PCDH15: variants seen among roughly 807,000 people sequenced by gnomAD.
PCDH15 encodes protocadherin related 15, also known as protocadherin-15.
PCDH15 carries 129 observed loss-of-function variants against 178.5 expected under a neutral mutation model. That is an observed-to-expected ratio of 0.72 (90% CI 0.63 to 0.84). PCDH15 has a LOEUF of 0.84. Ranked by LOEUF, PCDH15 falls within the 40% of genes least tolerant of loss-of-function variation. The probability of loss-of-function intolerance (pLI) is 0.00; values close to 1 mark genes in which losing one functional copy is unlikely to be tolerated. For synonymous variants in PCDH15, 800 were observed against 732.0 expected (o/e 1.09, Z -1.50); for missense variants, 2,230 against 2,099.9 (o/e 1.06, Z -1.21).
At chr10:55,023,208 C>T (rs1053985951) in intron 2 of PCDH15, among the ~76,000 whole-genome samples, 1 of 152,142 alleles carries the variant, frequency 6.6e-6, no homozygotes, top group Non-Finnish European at 1.5e-5. Flanking sequence ...TCCCAAAGTG[C>T]TGGGATTACA....
intron 2 of PCDH15, among the ~76,000 whole-genome samples, chr10:55,465,705 C>T (rs1451950273): frequency 1.3e-5 from 2 of 151,968 alleles, no homozygotes; most frequent in Non-Finnish European, 2.9e-5. Flanking sequence ...AGTATTTGCC[C>T]GGAGCTACCA....
intron 3 of PCDH15, among the ~76,000 whole-genome samples, chr10:54,880,935 C>T (rs942582751): frequency 6.6e-6 from 1 of 151,538 alleles, no homozygotes; most frequent in Non-Finnish European, 1.5e-5. Context: ...ATACTTTAAG[C>T]GAGTTGTATC....
intron 2 of PCDH15, among the ~76,000 whole-genome samples, chr10:55,165,714 A>G (rs979327300): frequency 2.0e-5 from 3 of 152,028 alleles, no homozygotes; most frequent in African/African-American, 4.8e-5. Context: ...CAAGTATGAT[A>G]AGCAGTCATG....
chr10:54,461,212 G>T (rs11004318), intron 3 of PCDH15, among the ~76,000 whole-genome samples: 1 of 152,004 alleles, frequency 6.6e-6, no homozygotes, highest in Non-Finnish European at 1.5e-5. Context: ...ACATTTTCTA[G>T]CAATTATTCT....
chr10:54,747,225 A>T (rs1945588056), intron 1 of PCDH15, among the ~76,000 whole-genome samples: 1 of 152,196 alleles, frequency 6.6e-6, no homozygotes, highest in Non-Finnish European at 1.5e-5. Flanking sequence ...GAATGACGAG[A>T]TCCCTTTCAG....
chr10:54,988,780 G>A (rs980481489), intron 2 of PCDH15, among the ~76,000 whole-genome samples: 10 of 152,130 alleles, frequency 6.6e-5, no homozygotes, highest in Non-Finnish European at 1.3e-4. Context: ...CAATGTGATA[G>A]GACAGAAAAT....
intron 21 of PCDH15, among the ~76,000 whole-genome samples, chr10:53,972,290 A>G (rs1473642118): frequency 7.0e-6 from 1 of 143,528 alleles, no homozygotes; most frequent in African/African-American, 2.6e-5. Flanking sequence ...AATTAATTCA[A>G]GATGGATTAA....
intron 23 of PCDH15, among the ~76,000 whole-genome samples, chr10:53,955,758 A>G (rs2087550730): frequency 2.6e-5 from 4 of 152,228 alleles, no homozygotes; most frequent in Admixed American, 1.3e-4. Context: ...ACGAAAGACC[A>G]TCCTAATAAT....
intron 17 of PCDH15, among the ~76,000 whole-genome samples, chr10:54,068,090 A>G (rs1380257960): frequency 6.6e-6 from 1 of 152,100 alleles, no homozygotes; most frequent in Non-Finnish European, 1.5e-5. Context: ...AAAAAGACCA[A>G]ACCTCCCTCA....
At chr10:54,223,083 G>T (rs1341229371) in intron 9 of PCDH15, among the ~76,000 whole-genome samples, 2 of 152,016 alleles carry the variant, frequency 1.3e-5, no homozygotes, top group Admixed American at 6.6e-5. Flanking sequence ...AGGCTGAGGT[G>T]GGGGGATCAC....
chr10:54,925,556 T>C (rs747568301), intron 2 of PCDH15, among the ~76,000 whole-genome samples: 7 of 152,176 alleles, frequency 4.6e-5, no homozygotes, highest in African/African-American at 7.2e-5. Context: ...CTTAACCATA[T>C]TGATTCTTCT....
intron 2 of PCDH15, among the ~76,000 whole-genome samples, chr10:55,012,767 A>C (rs146645489): frequency 2.0e-5 from 3 of 152,032 alleles, no homozygotes; most frequent in Admixed American, 1.3e-4. Context: ...ACATTTTAAC[A>C]TATGTCAGGA....
chr10:54,664,565 C>T (rs2094541259), intron 1 of PCDH15, among the ~76,000 whole-genome samples: 1 of 151,990 alleles, frequency 6.6e-6, no homozygotes, highest in Non-Finnish European at 1.5e-5. Context: ...ATATCAGAAG[C>T]ACACTCTTTA....
chr10:54,086,505 T>C (rs2094519168), intron 16 of PCDH15, among the ~76,000 whole-genome samples: 1 of 152,132 alleles, frequency 6.6e-6, no homozygotes, highest in Non-Finnish European at 1.5e-5. Context: ...AGAGAAGTGG[T>C]AGTGCAAAGT....
chr10:54,428,622 G>A (rs1303932224), intron 3 of PCDH15, among the ~76,000 whole-genome samples: 4 of 152,020 alleles, frequency 2.6e-5, no homozygotes, highest in African/African-American at 4.8e-5. Flanking sequence ...CAGAGCCAAC[G>A]GGCATTGAGG....
chr10:54,482,690 A>C (rs1372539165), intron 3 of PCDH15, among the ~76,000 whole-genome samples: 1 of 151,846 alleles, frequency 6.6e-6, no homozygotes, highest in Non-Finnish European at 1.5e-5. Flanking sequence ...ACTTGTAAGG[A>C]GATTTAGATC....
chr10:55,069,108 A>C, intron 2 of PCDH15, among the ~76,000 whole-genome samples: 2 of 148,586 alleles, frequency 1.3e-5, no homozygotes, highest in Admixed American at 6.8e-5. Context: ...GGGTTGCCAT[A>C]TTGGCCAAGC....
At chr10:54,303,751 C>T (rs1353033727) in intron 8 of PCDH15, among the ~76,000 whole-genome samples, 1 of 152,100 alleles carries the variant, frequency 6.6e-6, no homozygotes, top group African/African-American at 2.4e-5. Flanking sequence ...CATACCAAAG[C>T]AACCAGACTG....
At chr10:53,847,493 G>T (rs758038198) in intron 28 of PCDH15, among the ~76,000 whole-genome samples, 1 of 151,950 alleles carries the variant, frequency 6.6e-6, no homozygotes, top group Non-Finnish European at 1.5e-5. Context: ...CCTAAGTAGT[G>T]CTCTAGATGC....
Sources: allele counts gnomAD v4.1 joint callset (sites outside exome capture counted in the v4.1 genomes callset), GRCh38; gene constraint gnomAD v4.1.1; transcripts MANE v1.5; gene names NCBI Gene and HGNC (gene_info 2026-07-23, HGNC 2026-07-21).